SH3GL1: variants seen among roughly 807,000 people sequenced by gnomAD.
The protein encoded by SH3GL1 is endophilin-A2.
Under a neutral mutation model 48.8 loss-of-function variants are expected in SH3GL1, and 21 were observed. The observed-to-expected ratio is 0.43, with a 90% confidence interval of 0.30 to 0.62. The LOEUF (loss-of-function observed/expected upper bound fraction) is 0.62. Among genes scored for constraint, SH3GL1 ranks in the 20% least tolerant of loss-of-function variants. The pLI is 0.11. For synonymous variants in SH3GL1, 282 were observed against 217.5 expected (o/e 1.30, Z -2.61); for missense variants, 454 against 503.0 (o/e 0.90, Z 0.93).
intron 1 of SH3GL1, among the ~76,000 whole-genome samples, chr19:4,369,441 A>G (rs897919035): frequency 1.3e-5 from 2 of 152,202 alleles, no homozygotes; most frequent in African/African-American, 4.8e-5. Context: ...CCCCGGCCCC[A>G]CGACCTGCCC....
intron 1 of SH3GL1, among the ~76,000 whole-genome samples, chr19:4,378,630 G>T (rs371670382): frequency 1.3e-5 from 2 of 152,108 alleles, no homozygotes; most frequent in African/African-American, 4.8e-5. Flanking sequence ...CAGCAGAATC[G>T]CTTGAACCCG....
At chr19:4,388,360 G>A (rs1424391032) in intron 1 of SH3GL1, among the ~76,000 whole-genome samples, 1 of 152,210 alleles carries the variant, frequency 6.6e-6, no homozygotes, top group Non-Finnish European at 1.5e-5. Flanking sequence ...TGCGAGTCGT[G>A]GGAGTGTCAC....
At position 4,361,214 on chromosome 19, in the gene SH3GL1, G is replaced by A. The variant is rs1972599457; in HGVS notation, c.*386C>T. 2 of 307,542 alleles carry A rather than the reference G, an allele frequency of 6.5e-6. No homozygotes were observed. Among genetic ancestry groups the A allele is most frequent in the African/African-American group, 2.1e-5 (1 of 46,848 alleles). The allele number at this position is 307,542 out of a possible 1,614,324, so 19.1% of individuals were successfully genotyped here. A position where few individuals can be genotyped will look rare whatever the true frequency, so the allele number is the denominator to read the frequency against. On this transcript the variant is annotated 3_prime_UTR_variant, in exon 10 of 10. Transcript: ENST00000269886. ...GCTGCGGGACTCGAGGGTAGGCAGT[G>A]GGCCGGGCCCCCGTCGGGTCAGGAC...
chr19:4,399,131 G>C (rs527408699), intron 1 of SH3GL1, among the ~76,000 whole-genome samples: 1 of 151,934 alleles, frequency 6.6e-6, no homozygotes, highest in Non-Finnish European at 1.5e-5. Context: ...ACCACCCTGG[G>C]GCACATGGAG....
In SH3GL1 at chr19:4,361,739, C is replaced by T. The variant is rs771296697; in HGVS notation, c.968G>A (p.Gly323Glu). ...ALYDFEPEND[G>E]ELGFHEGDVI... ...GTCGCCCTCATGGAAGCCCAGCTCC[C>T]CGTCGTTCTCGGGCTCGAAGTCGTA... The change falls in exon 10 of 10, where the codon GGG (glycine) becomes GAG (glutamate). Residue 323 changes from glycine to glutamate, a missense_variant. By Grantham distance (98) the Gly-to-Glu change is moderately conservative. This residue lies in a region of SH3GL1 where 278 missense variants were observed against 246.8 expected (regional missense o/e 1.13). Transcript: ENST00000269886. 1.2e-6 allele frequency: 2 copies of T among 1,612,974 alleles called. No homozygotes were observed. Among genetic ancestry groups the T allele is most frequent in the South Asian group, 2.2e-5 (2 of 91,090 alleles).
In SH3GL1 at chr19:4,362,350, G is replaced by A. The variant is rs149527990; in HGVS notation, c.889C>T (p.Arg297Trp). 427 of 1,612,164 alleles carry A rather than the reference G, an allele frequency of 2.6e-4. No homozygotes were observed. The highest frequency in any genetic ancestry group is 3.5e-4 in the Non-Finnish European group (408 of 1,179,112). ...SSFRSSDKPIRTPSRSMPPLD... is the reference protein window; with the variant it reads ...SSFRSSDKPIWTPSRSMPPLD... ...TCACGCATGCTCCGGCTAGGGGTCC[G>A]GATGGGCTTGTCGGAAGATCGGAAA... The change falls in exon 9 of 10, where the codon CGG becomes TGG. Residue 297 changes from arginine (R) to tryptophan (W), a missense_variant. Physicochemically the swap from Arg to Trp is moderately radical, Grantham distance 101 (BLOSUM62 -3). This residue lies in a region of SH3GL1 where 278 missense variants were observed against 246.8 expected (regional missense o/e 1.13). Coordinates refer to ENST00000269886, the MANE Select transcript of SH3GL1 (RefSeq NM_003025.4).
chr19:4,377,141 G>A (rs907945864), intron 1 of SH3GL1, among the ~76,000 whole-genome samples: 1 of 152,216 alleles, frequency 6.6e-6, no homozygotes, highest in African/African-American at 2.4e-5. Flanking sequence ...AGAACAAAAC[G>A]TGAGCTAGGC....
At chr19:4,363,504 GCC>G in intron 6 of SH3GL1, 31 bp from the exon 7 acceptor site, 1 of 1,583,410 alleles carries the variant, frequency 6.3e-7, no homozygotes, top group Non-Finnish European at 8.7e-7. Context: ...AGGGGCTCCT[GCC>G]AGTGCCACTG....
At chr19:4,370,908 T>A (rs1472794970) in intron 1 of SH3GL1, among the ~76,000 whole-genome samples, 1 of 152,254 alleles carries the variant, frequency 6.6e-6, no homozygotes, top group Non-Finnish European at 1.5e-5. Context: ...TTGGCAAGAC[T>A]GGCTTGTGGT....
intron 1 of SH3GL1, among the ~76,000 whole-genome samples, chr19:4,377,534 A>G (rs1295592743): frequency 6.6e-6 from 1 of 152,228 alleles, no homozygotes; most frequent in African/African-American, 2.4e-5. Flanking sequence ...CACCCAGGCC[A>G]GAAGTCATCC....
At position 4,400,194 on chromosome 19, in the gene SH3GL1, C is replaced by T; in HGVS notation, c.45+130G>A. The T allele has an allele frequency of 9.9e-7, 1 of 1,007,754 alleles. No homozygotes were observed. Among genetic ancestry groups the T allele is most frequent in the African/African-American group, 1.7e-5 (1 of 58,998 alleles). The allele number at this position is 1,007,754 out of a possible 1,614,324, so 62.4% of individuals were successfully genotyped here. A position where few individuals can be genotyped will look rare whatever the true frequency, so the allele number is the denominator to read the frequency against. On this transcript the variant is annotated intron_variant, in intron 1 of 9. Coordinates refer to ENST00000269886, the MANE Select transcript of SH3GL1 (RefSeq NM_003025.4). The surrounding 1 kb of genome is among the most constrained non-coding windows in gnomAD (Gnocchi z 4.1). ...CCCGTCCGTCCCTTGGTCTTCCCAC[C>T]TGGCAGGGGACACGCGCCAACGTCC... is the stretch of plus-strand genomic sequence containing the variant.
At chr19:4,379,128 G>A (rs918558850) in intron 1 of SH3GL1, among the ~76,000 whole-genome samples, 5 of 152,224 alleles carry the variant, frequency 3.3e-5, no homozygotes, top group African/African-American at 1.2e-4. Flanking sequence ...CACAAATTCT[G>A]AGGTTCTACT....
At position 4,362,735 on chromosome 19, in the gene SH3GL1, T is replaced by C. The variant is rs751582205; in HGVS notation, c.730A>G (p.Met244Val). ...TTAGGGCGTGAGGAAGCTTCCCGCA[T>C]CCTGTGAAGGGAGAGGCGTGAGTGG... is the stretch of plus-strand genomic sequence containing the variant. ...DELAEKLKRRMREASSRPKRE... is the reference protein window; with the variant it reads ...DELAEKLKRRVREASSRPKRE... The change falls in exon 8 of 10, where the codon ATG (methionine) becomes GTG (valine). Residue 244 changes from methionine to valine, a missense_variant and splice_region_variant. Transcript: ENST00000269886. 3 of 1,613,914 alleles carry C rather than the reference T, an allele frequency of 1.9e-6. 1 individual carries two copies. The South Asian group carries it at 3.3e-5, about 18-fold the overall frequency.
chr19:4,361,682 T>C lies in SH3GL1; in HGVS notation c.1025A>G (p.Asn342Ser). The C allele has an allele frequency of 1.2e-6, 2 of 1,612,754 alleles. No homozygotes were observed. The highest frequency in any genetic ancestry group is 1.7e-6 in the Non-Finnish European group (2 of 1,179,514). The change falls in exon 10 of 10, where the codon AAC becomes AGC. Residue 342 changes from asparagine to serine, a missense_variant. Transcript: ENST00000269886. Reference sequence around the variant, plus strand: ...GCCGTCCAGCATGCCCTCGTACCAGTTCTCATCGATCTGGTTGGTCAGCGT... The same window carrying C: ...GCCGTCCAGCATGCCCTCGTACCAGCTCTCATCGATCTGGTTGGTCAGCGT... ...VITLTNQIDE[N>S]WYEGMLDGQS...
At chr19:4,370,509 T>G (rs1599599461) in intron 1 of SH3GL1, among the ~76,000 whole-genome samples, 2 of 151,824 alleles carry the variant, frequency 1.3e-5, no homozygotes, top group African/African-American at 4.8e-5. Context: ...GCAGGGTGGG[T>G]GGGGGCCCCC....
chr19:4,371,793 G>A (rs559045029), intron 1 of SH3GL1, among the ~76,000 whole-genome samples: 43 of 152,284 alleles, frequency 2.8e-4, no homozygotes, highest in Admixed American at 1.2e-3. Context: ...CGTCGGCATC[G>A]GTGGTGCTGT....
intron 1 of SH3GL1, among the ~76,000 whole-genome samples, chr19:4,396,381 AAG>A (rs1266356325): frequency 2.6e-5 from 4 of 152,228 alleles, no homozygotes; most frequent in Admixed American, 6.5e-5. Context: ...CCTGGGCAAC[AAG>A]AGAGAAGCTC....
At chr19:4,399,553 TGGG>T (rs1973484880) in intron 1 of SH3GL1, among the ~76,000 whole-genome samples, 1 of 152,056 alleles carries the variant, frequency 6.6e-6, no homozygotes, top group Non-Finnish European at 1.5e-5. Flanking sequence ...TGTCACGACT[TGGG>T]GGTGCTCCTG....
chr19:4,394,653 A>G (rs1439700675), intron 1 of SH3GL1, among the ~76,000 whole-genome samples: 1 of 152,248 alleles, frequency 6.6e-6, no homozygotes, highest in Admixed American at 6.5e-5. Context: ...TCAGAAACTC[A>G]GAACCAACAA....
Sources: allele counts gnomAD v4.1 joint callset (sites outside exome capture counted in the v4.1 genomes callset), GRCh38; gene constraint gnomAD v4.1.1; regional missense constraint gnomAD v4.1.1; non-coding constraint Gnocchi (gnomAD v3.1); transcripts MANE v1.5; gene names NCBI Gene and HGNC (gene_info 2026-07-23, HGNC 2026-07-21).